CFTR: variants seen among roughly 807,000 people sequenced by gnomAD.
CFTR encodes cystic fibrosis transmembrane conductance regulator.
Under a neutral mutation model 171.6 loss-of-function variants are expected in CFTR, and 181 were observed. That is an observed-to-expected ratio of 1.05 (90% confidence interval 0.93 to 1.19). The LOEUF is 1.19. Among genes scored for constraint, CFTR ranks in the 50% most tolerant of loss-of-function variants. The pLI is 0.00. For missense variants in CFTR, 1,968 were observed against 1,734.7 expected (o/e 1.13, Z -2.39); for synonymous variants, 583 against 608.0 (o/e 0.96, Z 0.60).
intron 1 of CFTR, among the ~76,000 whole-genome samples, chr7:117,493,909 CAT>C (rs1366307088): frequency 1.3e-5 from 2 of 151,946 alleles, no homozygotes; most frequent in Non-Finnish European, 2.9e-5. Flanking sequence ...GAGAAATAAT[CAT>C]GTGTAGCCAT....
chr7:117,645,241 T>C (rs1225127318), intron 23 of CFTR, among the ~76,000 whole-genome samples: 1 of 152,202 alleles, frequency 6.6e-6, no homozygotes, highest in Non-Finnish European at 1.5e-5. Flanking sequence ...AATTAATTAT[T>C]AAACTCCTAC....
intron 26 of CFTR, 130 bp downstream of exon 26, chr7:117,665,694 C>T (rs1253839944): frequency 4.2e-6 from 3 of 707,748 alleles, no homozygotes; most frequent in Non-Finnish European, 7.8e-6. Context: ...ATACAGCCAT[C>T]CAGCTTTACT....
In CFTR at chr7:117,664,743, T is replaced by A; in HGVS notation, c.4019T>A (p.Val1340Glu). ...CCTGGGAAGCTTGACTTTGTCCTTG[T>A]GGATGGGGGCTGTGTCCTAAGCCAT... The part of the protein sequence containing the change: ...QFPGKLDFVL[V>E]DGGCVLSHGH... Residue 1340 changes from valine to glutamate, a missense_variant, in exon 25 of 27, where the codon GTG (valine) becomes GAG (glutamate). Transcript: ENST00000003084. 6.2e-7 allele frequency: 1 copy of A among 1,614,050 alleles called. No homozygotes were observed. Among genetic ancestry groups the A allele is most frequent in the Non-Finnish European group, 8.5e-7 (1 of 1,179,934 alleles).
At chr7:117,588,503 CT>C (rs1791979986) in intron 12 of CFTR, among the ~76,000 whole-genome samples, 1 of 152,056 alleles carries the variant, frequency 6.6e-6, no homozygotes, top group African/African-American at 2.4e-5. Context: ...GTTTCTCAAG[CT>C]TTATCTGAAC....
chr7:117,657,174 A>T (rs2116205554), intron 24 of CFTR, among the ~76,000 whole-genome samples: 1 of 152,288 alleles, frequency 6.6e-6, no homozygotes, highest in South Asian at 2.1e-4. Flanking sequence ...ATCAAAATAA[A>T]ATTTACAGGA....
At chr7:117,572,111 C>T (rs1003981721) in intron 11 of CFTR, among the ~76,000 whole-genome samples, 1 of 152,138 alleles carries the variant, frequency 6.6e-6, no homozygotes, top group Non-Finnish European at 1.5e-5. Flanking sequence ...AAGCGATTCT[C>T]CTGCCTCAGC....
At chr7:117,591,615 AT>A (rs1792024529) in intron 13 of CFTR, among the ~76,000 whole-genome samples, 1 of 152,100 alleles carries the variant, frequency 6.6e-6, no homozygotes, top group African/African-American at 2.4e-5. Context: ...TAATTTCCTC[AT>A]TTTCTAGATA....
intron 9 of CFTR, among the ~76,000 whole-genome samples, chr7:117,543,004 A>G (rs1357216229): frequency 6.6e-6 from 1 of 152,198 alleles, no homozygotes; most frequent in Non-Finnish European, 1.5e-5. Context: ...ACCTATTTTC[A>G]TCCACTGTTA....
intron 1 of CFTR, among the ~76,000 whole-genome samples, chr7:117,502,461 C>G (rs191302266): frequency 1.5e-4 from 23 of 152,314 alleles, no homozygotes; most frequent in African/African-American, 5.1e-4. Flanking sequence ...TAAACACTTA[C>G]TTCACCTTTT....
intron 10 of CFTR, among the ~76,000 whole-genome samples, chr7:117,556,417 CT>C (rs1468939828): frequency 6.6e-6 from 1 of 151,702 alleles, no homozygotes; most frequent in Non-Finnish European, 1.5e-5. Flanking sequence ...TTCTTTTCCC[CT>C]GATTCTGTTT....
intron 4 of CFTR, among the ~76,000 whole-genome samples, chr7:117,531,490 A>G (rs4148695): frequency 1.3e-5 from 2 of 152,160 alleles, no homozygotes; most frequent in Non-Finnish European, 2.9e-5. Flanking sequence ...CAAGAAGAGT[A>G]TAATATATGA....
intron 4 of CFTR, among the ~76,000 whole-genome samples, chr7:117,533,137 C>G (rs1798889995): frequency 6.6e-6 from 1 of 152,116 alleles, no homozygotes; most frequent in Non-Finnish European, 1.5e-5. Context: ...GCACACAGCT[C>G]TATGTTAAGC....
chr7:117,579,409 C>G (rs1009983205), intron 11 of CFTR, among the ~76,000 whole-genome samples: 1 of 151,798 alleles, frequency 6.6e-6, no homozygotes. Context: ...AGAGTGCATG[C>G]TTTGTAGACA....
intron 10 of CFTR, among the ~76,000 whole-genome samples, chr7:117,551,207 T>G (rs1799264125): frequency 6.6e-6 from 1 of 152,134 alleles, no homozygotes; most frequent in Non-Finnish European, 1.5e-5. Flanking sequence ...TTAGATAAAT[T>G]TTGGTGTAGT....
intron 15 of CFTR, among the ~76,000 whole-genome samples, chr7:117,596,297 G>C (rs1792124015): frequency 1.3e-5 from 2 of 152,366 alleles, no homozygotes; most frequent in Admixed American, 6.5e-5. Context: ...TGGGCCAGCA[G>C]CTGCTGTACT....
chr7:117,505,722 A>AG (rs753378467), intron 2 of CFTR, among the ~76,000 whole-genome samples: 9 of 152,230 alleles, frequency 5.9e-5, no homozygotes, highest in Non-Finnish European at 1.2e-4. Context: ...GGGTGAGTGA[A>AG]GGGGGATAAA....
intron 23 of CFTR, among the ~76,000 whole-genome samples, chr7:117,651,841 G>A (rs980110941): frequency 1.3e-5 from 2 of 152,104 alleles, no homozygotes; most frequent in Admixed American, 6.6e-5. Flanking sequence ...CTTGACTTGT[G>A]TGGTTCCTTG....
chr7:117,640,265 A>T, intron 22 of CFTR, among the ~76,000 whole-genome samples: 1 of 152,152 alleles, frequency 6.6e-6, no homozygotes, highest in East Asian at 1.9e-4. Context: ...TGTTGGGTAC[A>T]AACCAGTGAT....
Position 117,664,849 on chromosome 7 carries a change from T to C in CFTR, c.4125T>C (p.His1375=), listed in dbSNP as rs1387797433. 6.2e-7 allele frequency: 1 copy of C among 1,613,838 alleles called. No homozygotes were observed. The highest frequency in any genetic ancestry group is 1.1e-5 in the South Asian group (1 of 91,080). The change falls in exon 25 of 27, where the codon CAT becomes CAC. Residue 1375 remains histidine, a synonymous_variant. Transcript: ENST00000003084. ...KILLLDEPSA[H]LDPVTYQIIR... ...TGCTGCTTGATGAACCCAGTGCTCA[T>C]TTGGATCCAGTGTGAGTTTCAGATG...
Sources: allele counts gnomAD v4.1 joint callset (sites outside exome capture counted in the v4.1 genomes callset), GRCh38; gene constraint gnomAD v4.1.1; transcripts MANE v1.5; gene names NCBI Gene and HGNC (gene_info 2026-07-23, HGNC 2026-07-21).